The following NKAIN2 variants were observed in gnomAD, a reference collection of about 807,000 sequenced individuals.
NKAIN2 encodes sodium/potassium transporting ATPase interacting 2.
NKAIN2 carries 14 observed loss-of-function variants against 32.6 expected under a neutral mutation model. The observed-to-expected ratio is 0.43, with a 90% CI of 0.28 to 0.67. The LOEUF (loss-of-function observed/expected upper bound fraction) is 0.67, where lower values mean the gene tolerates loss of function less well. NKAIN2 is among the 30% of genes least tolerant of loss of function. The probability of loss-of-function intolerance (pLI) is 0.17; values close to 1 mark genes in which losing one functional copy is unlikely to be tolerated. For synonymous variants in NKAIN2, 80 were observed against 87.2 expected (o/e 0.92, Z 0.46); for missense variants, 198 against 258.3 (o/e 0.77, Z 1.60).
chr6:123,929,569 A>T (rs1443437549), intron 1 of NKAIN2, among the ~76,000 whole-genome samples: 2 of 152,152 alleles, frequency 1.3e-5, no homozygotes. Flanking sequence ...GTTCTGAGAC[A>T]CCGATAACAG....
chr6:124,703,205 G>A (rs2114575004), intron 4 of NKAIN2, among the ~76,000 whole-genome samples: 1 of 151,934 alleles, frequency 6.6e-6, no homozygotes, highest in Non-Finnish European at 1.5e-5. Context: ...GACTACCTCT[G>A]ACTGGATTTA....
chr6:124,800,492 G>A (rs757200863), intron 5 of NKAIN2, among the ~76,000 whole-genome samples: 27 of 152,194 alleles, frequency 1.8e-4, no homozygotes, highest in Non-Finnish European at 3.4e-4. Flanking sequence ...GGCAGGGAGT[G>A]AAAGAGAAAC....
intron 4 of NKAIN2, among the ~76,000 whole-genome samples, chr6:124,682,280 G>T (rs542781033): frequency 6.6e-6 from 1 of 152,132 alleles, no homozygotes; most frequent in Non-Finnish European, 1.5e-5. Flanking sequence ...TTAATGACTA[G>T]TTCCCATTAT....
At chr6:124,130,208 A>AAT (rs1199573631) in intron 1 of NKAIN2, among the ~76,000 whole-genome samples, 2 of 152,186 alleles carry the variant, frequency 1.3e-5, no homozygotes, top group Non-Finnish European at 1.5e-5. Context: ...CCCATTACCC[A>AAT]GGCAAAGGGG....
chr6:123,866,185 T>G (rs1772500296), intron 1 of NKAIN2, among the ~76,000 whole-genome samples: 2 of 152,322 alleles, frequency 1.3e-5, no homozygotes, highest in Admixed American at 6.5e-5. Flanking sequence ...TTCTCTCCCC[T>G]GTACCTTTAA....
At chr6:123,846,447 C>G (rs1299846913) in intron 1 of NKAIN2, among the ~76,000 whole-genome samples, 1 of 152,196 alleles carries the variant, frequency 6.6e-6, no homozygotes, top group Non-Finnish European at 1.5e-5. Context: ...TTTAAAATCT[C>G]TACCCCATGG....
intron 2 of NKAIN2, among the ~76,000 whole-genome samples, chr6:124,324,365 G>A (rs2626126): frequency 0.073 from 11,058 of 151,490 alleles, 980 homozygotes; most frequent in African/African-American, 0.21. Flanking sequence ...CCTTTTTTTA[G>A]CAATTGTAAA....
chr6:123,997,416 G>A (rs539023310), intron 1 of NKAIN2, among the ~76,000 whole-genome samples: 1 of 152,216 alleles, frequency 6.6e-6, no homozygotes, highest in African/African-American at 2.4e-5. Context: ...GCCTCCAGGT[G>A]ATAGGCACAG....
chr6:124,184,076 T>C (rs1375456330), intron 1 of NKAIN2, among the ~76,000 whole-genome samples: 1 of 152,120 alleles, frequency 6.6e-6, no homozygotes, highest in Admixed American at 6.6e-5. Flanking sequence ...GAAAAGTCAT[T>C]GTCTCTTATC....
chr6:124,664,147 T>C (rs1161272526), intron 4 of NKAIN2, among the ~76,000 whole-genome samples: 3 of 151,876 alleles, frequency 2.0e-5, no homozygotes, highest in African/African-American at 7.3e-5. Context: ...TGGTGGCGGA[T>C]GCATGTCATC....
At chr6:123,902,966 C>A (rs1470059556) in intron 1 of NKAIN2, among the ~76,000 whole-genome samples, 1 of 152,160 alleles carries the variant, frequency 6.6e-6, no homozygotes, top group Non-Finnish European at 1.5e-5. Context: ...TCCAAAGCAG[C>A]AAATTATTGG....
chr6:123,972,805 G>A (rs1406977242), intron 1 of NKAIN2, among the ~76,000 whole-genome samples: 1 of 151,908 alleles, frequency 6.6e-6, no homozygotes, highest in Non-Finnish European at 1.5e-5. Context: ...TCCTCCTCTG[G>A]AGATCATGGG....
chr6:124,543,874 A>G (rs552226400), intron 3 of NKAIN2, among the ~76,000 whole-genome samples: 11 of 152,276 alleles, frequency 7.2e-5, no homozygotes, highest in Admixed American at 3.3e-4. Context: ...TGACTTGCCT[A>G]TAAGTATAAA....
intron 3 of NKAIN2, among the ~76,000 whole-genome samples, chr6:124,603,617 C>T (rs570849788): frequency 2.2e-3 from 334 of 152,012 alleles, no homozygotes; most frequent in Non-Finnish European, 3.7e-3. Context: ...ATTTACTATT[C>T]CTCATGGAGC....
At chr6:124,169,453 G>C (rs1473082444) in intron 1 of NKAIN2, among the ~76,000 whole-genome samples, 2 of 152,094 alleles carry the variant, frequency 1.3e-5, no homozygotes, top group Middle Eastern at 3.2e-3. Flanking sequence ...GGCTGATCTA[G>C]AATTGCTACA....
intron 3 of NKAIN2, among the ~76,000 whole-genome samples, chr6:124,648,540 G>A (rs190021952): frequency 2.0e-5 from 3 of 152,218 alleles, no homozygotes; most frequent in African/African-American, 7.2e-5. Flanking sequence ...GGAAACTGGG[G>A]GTTCAACATG....
intron 2 of NKAIN2, among the ~76,000 whole-genome samples, chr6:124,344,933 A>T (rs944230783): frequency 1.3e-5 from 2 of 152,156 alleles, no homozygotes; most frequent in African/African-American, 4.8e-5. Context: ...GAACGCTTCC[A>T]GTTTTTGCCC....
rs1290347434 is a variant in NKAIN2, at chr6:123,985,128, G to A, written c.54+180874G>A. 2.0e-5 allele frequency among the ~76,000 whole-genome samples: 3 copies of A among 152,182 alleles called. No homozygotes were observed. The East Asian group carries it at 5.8e-4, about 29-fold the overall frequency. ...AAAAAATTGTATCAGGCCAAGAGCG[G>A]TGGCTCACCCCTGTAATACCAGCAC... On this transcript the variant is annotated intron_variant, in intron 1 of 6. Coordinates refer to ENST00000368417, the MANE Select transcript of NKAIN2 (RefSeq NM_001040214.3).
rs1346652734 is a variant in NKAIN2 at position 124,759,637 on chromosome 6, ACACACACACACACACACAC to A, written c.475-31700_475-31682del. 1.4e-3 allele frequency among the ~76,000 whole-genome samples: 148 copies of A among 104,972 alleles called. 1 individual carries two copies. Among genetic ancestry groups the A allele is most frequent in the Non-Finnish European group, 2.3e-3 (106 of 45,870 alleles). The allele number at this position is 104,972 out of a possible 152,430, so 68.9% of individuals were successfully genotyped here. On this transcript the variant is annotated intron_variant, in intron 4 of 6. Coordinates refer to ENST00000368417, the MANE Select transcript of NKAIN2 (RefSeq NM_001040214.3). ...CACACACACACACACACACACACAC[ACACACACACACACACACAC>A]CCCCTATCTCCCTTTCCTGCCTTAT... is the stretch of plus-strand genomic sequence containing the variant.
Sources: gnomAD v4.1 joint callset for allele counts (sites outside exome capture counted in the v4.1 genomes callset) on GRCh38, gnomAD v4.1.1 for gene constraint, MANE v1.5 for transcripts, NCBI Gene and HGNC (gene_info 2026-07-23, HGNC 2026-07-21) for gene names.